Variants in SUCO observed in about 807,000 individuals in gnomAD.
SUCO encodes SUN domain containing ossification factor.
A neutral mutation model predicts 148.1 loss-of-function variants in SUCO; 57 were observed. The ratio of observed to expected loss-of-function variants is 0.38; its 90% CI spans 0.31 to 0.48. SUCO has a LOEUF of 0.48. Ranked by LOEUF, SUCO falls within the 20% of genes least tolerant of loss-of-function variation. The pLI is 0.96. For missense variants in SUCO, 1,331 were observed against 1,468.2 expected, an observed-to-expected ratio of 0.91 and a Z score of 1.53; for synonymous variants, 470 against 502.7, an observed-to-expected ratio of 0.93 and a Z score of 0.87.
intron 9 of SUCO, among the ~76,000 whole-genome samples, chr1:172,572,636 C>T (rs1269876945): frequency 6.7e-5 from 10 of 148,686 alleles, no homozygotes; most frequent in Non-Finnish European, 1.3e-4. Context: ...ACCCTCCCTC[C>T]ACTATTGTCC....
At chr1:172,594,744 G>T (rs1656955359) in intron 19 of SUCO, among the ~76,000 whole-genome samples, 1 of 152,210 alleles carries the variant, frequency 6.6e-6, no homozygotes, top group South Asian at 2.1e-4. Context: ...CGAAAAGAAT[G>T]TATATTTTGT....
intron 3 of SUCO, 75 bp downstream of exon 3, chr1:172,553,445 C>A: frequency 1.8e-6 from 2 of 1,087,570 alleles, no homozygotes; most frequent in South Asian, 1.8e-5. Flanking sequence ...CTTTGGTCAC[C>A]ATATTGTGTG....
intron 22 of SUCO, among the ~76,000 whole-genome samples, chr1:172,603,992 G>A (rs1657694769): frequency 6.6e-6 from 1 of 151,944 alleles, no homozygotes; most frequent in African/African-American, 2.4e-5. Context: ...AATGGGATTG[G>A]TGAATCATAG....
intron 20 of SUCO, among the ~76,000 whole-genome samples, chr1:172,600,602 G>A (rs924006128): frequency 6.6e-6 from 1 of 152,056 alleles, no homozygotes; most frequent in Non-Finnish European, 1.5e-5. Flanking sequence ...TGGCCTCACA[G>A]GGTTTACGTC....
chr1:172,554,562 C>T (rs1282178485), intron 3 of SUCO, among the ~76,000 whole-genome samples: 2 of 151,996 alleles, frequency 1.3e-5, no homozygotes, highest in African/African-American at 4.8e-5. Context: ...CATGGTGAAA[C>T]CCTGTCTCTA....
intron 18 of SUCO, among the ~76,000 whole-genome samples, chr1:172,590,720 G>C (rs1175392785): frequency 6.6e-6 from 1 of 152,082 alleles, no homozygotes; most frequent in Non-Finnish European, 1.5e-5. Context: ...ATGTGTGTGT[G>C]TGTGTTCATG....
chr1:172,607,670 TA>T (rs148754433), intron 22 of SUCO, among the ~76,000 whole-genome samples: 57 of 151,616 alleles, frequency 3.8e-4, no homozygotes, highest in African/African-American at 1.3e-3. Flanking sequence ...TGATTTTTTT[TA>T]AAAAAAACAA....
intron 22 of SUCO, among the ~76,000 whole-genome samples, chr1:172,605,062 C>G (rs1040098595): frequency 2.0e-5 from 3 of 151,678 alleles, no homozygotes; most frequent in African/African-American, 7.3e-5. Flanking sequence ...TCTTTATAAC[C>G]TCCGTTATGG....
Position 172,609,893 on chromosome 1 carries a change from C to T in SUCO, c.3399C>T (p.Gly1133=), listed in dbSNP as rs369046494. ...PEEPLHPIAN[G]DIKGRKPFTN... ...AACCATTGCACCCCATAGCCAATGG[C>T]GACATAAAAGGAAGAAAGCCCTTTA... The change falls in exon 24 of 24, where the codon GGC becomes GGT. Residue 1133 remains glycine, a synonymous_variant. Coordinates refer to ENST00000263688, the MANE Select transcript of SUCO (RefSeq NM_014283.5). 1.0e-4 allele frequency: 166 copies of T among 1,613,548 alleles called. No individual in the cohort carries two copies. The highest frequency in any genetic ancestry group is 3.2e-4 in the Admixed American group (19 of 59,966).
At chr1:172,577,869 CA>C in intron 13 of SUCO, 50 bp downstream of exon 13, 1 of 1,419,486 alleles carries the variant, frequency 7.0e-7, no homozygotes, top group Non-Finnish European at 9.7e-7. Context: ...AATTGATATA[CA>C]AAATTTTCGA....
intron 1 of SUCO, among the ~76,000 whole-genome samples, chr1:172,546,779 C>A (rs1234183840): frequency 6.6e-6 from 1 of 152,112 alleles, no homozygotes; most frequent in Non-Finnish European, 1.5e-5. Context: ...CATTTTGGTG[C>A]TTGCATGTAG....
upstream of SUCO, chr1:172,533,138 G>A: frequency 6.9e-7 from 1 of 1,442,262 alleles, no homozygotes; most frequent in South Asian, 1.5e-5. Flanking sequence ...GCCCCCGGCG[G>A]GCGGGGAGGA....
chr1:172,570,676 T>G lies in SUCO; in HGVS notation c.995T>G (p.Ile332Ser). ...ANPEAKSTSA[I>S]LIENMDLYML... ...TTTTTAAAATAGAGCACATCTGCTA[T>G]TCTTATAGAAAATATGGATCTTTAC... The change falls in exon 9 of 24, where the codon ATT (isoleucine) becomes AGT (serine). Residue 332 changes from isoleucine (I) to serine (S), a missense_variant. Physicochemically the swap from Ile to Ser is moderately radical, Grantham distance 142. Around this residue, in one of 3 missense-constraint regions of SUCO, gnomAD observed 992 missense variants for 1,093.5 expected, o/e 0.91. Coordinates refer to ENST00000263688, the MANE Select transcript of SUCO (RefSeq NM_014283.5). 1 of 1,602,030 alleles carries G rather than the reference T, an allele frequency of 6.2e-7. No homozygotes were observed. The highest frequency in any genetic ancestry group is 8.5e-7 in the Non-Finnish European group (1 of 1,169,876).
intron 20 of SUCO, 22 bp downstream of exon 20, chr1:172,600,190 G>A (rs1486716851): frequency 6.5e-7 from 1 of 1,528,814 alleles, no homozygotes; most frequent in South Asian, 1.1e-5. Context: ...TGCTGGTATT[G>A]CGAGACCCAA....
chr1:172,543,873 T>C (rs1015047035), intron 1 of SUCO, among the ~76,000 whole-genome samples: 4 of 151,986 alleles, frequency 2.6e-5, no homozygotes, highest in African/African-American at 9.7e-5. Context: ...GAAGCAACCT[T>C]AAAAGAGCTC....
intron 19 of SUCO, among the ~76,000 whole-genome samples, chr1:172,597,109 G>A (rs868452452): frequency 1.2e-4 from 19 of 152,138 alleles, no homozygotes; most frequent in African/African-American, 4.3e-4. Context: ...ATAATCTCCT[G>A]GTGTGCCATT....
chr1:172,560,993 G>A (rs1443927015), intron 6 of SUCO, among the ~76,000 whole-genome samples: 1 of 152,202 alleles, frequency 6.6e-6, no homozygotes, highest in Non-Finnish European at 1.5e-5. Context: ...TTTGTTTTCT[G>A]AAAGAGGGTG....
intron 19 of SUCO, among the ~76,000 whole-genome samples, chr1:172,596,650 T>G (rs574167455): frequency 1.3e-5 from 2 of 152,268 alleles, no homozygotes; most frequent in African/African-American, 4.8e-5. Flanking sequence ...TCTGAAAGCT[T>G]TGTCTCAGAG....
chr1:172,598,198 G>A (rs1424597388), intron 19 of SUCO, among the ~76,000 whole-genome samples: 1 of 152,094 alleles, frequency 6.6e-6, no homozygotes, highest in Non-Finnish European at 1.5e-5. Context: ...ATCATTCGTT[G>A]GAATGAGCGT....
Sources: allele counts gnomAD v4.1 joint callset (sites outside exome capture counted in the v4.1 genomes callset), GRCh38; gene constraint gnomAD v4.1.1; regional missense constraint gnomAD v4.1.1; transcripts MANE v1.5; gene names NCBI Gene and HGNC (gene_info 2026-07-23, HGNC 2026-07-21).